Variants in ARHGAP15 observed in about 807,000 individuals in gnomAD.
ARHGAP15 encodes Rho GTPase activating protein 15.
In ARHGAP15, 51 loss-of-function variants were observed where a neutral mutation model predicts 63.7. The ratio of observed to expected loss-of-function variants is 0.80; its 90% confidence interval spans 0.64 to 1.01. The LOEUF is 1.01. ARHGAP15 is among the 50% of genes least tolerant of loss of function. The pLI is 0.00. For synonymous variants in ARHGAP15, 191 were observed against 193.8 expected (o/e 0.99, Z 0.12); for missense variants, 560 against 564.6 (o/e 0.99, Z 0.08).
intron 6 of ARHGAP15, among the ~76,000 whole-genome samples, chr2:143,290,327 C>T (rs777571340): frequency 1.3e-5 from 2 of 151,356 alleles, no homozygotes; most frequent in Non-Finnish European, 1.5e-5. Flanking sequence ...AAAGCGCTTA[C>T]GGCTGGTAAT....
intron 11 of ARHGAP15, among the ~76,000 whole-genome samples, chr2:143,560,872 G>A (rs1487034239): frequency 6.6e-6 from 1 of 152,242 alleles, no homozygotes; most frequent in African/African-American, 2.4e-5. Context: ...TGGTGCGTTT[G>A]TGAGCAGCGC....
intron 6 of ARHGAP15, among the ~76,000 whole-genome samples, chr2:143,392,723 G>GT (rs1183574391): frequency 6.6e-6 from 1 of 152,112 alleles, no homozygotes. Flanking sequence ...TCTGCTGAGA[G>GT]TTTTTTGTTT....
chr2:143,190,751 T>C (rs141832597), intron 2 of ARHGAP15, among the ~76,000 whole-genome samples: 9 of 152,314 alleles, frequency 5.9e-5, no homozygotes, highest in South Asian at 4.1e-4. Flanking sequence ...TCTTGGATAT[T>C]CTGTAGCGAA....
chr2:143,560,253 T>C (rs551012053), intron 11 of ARHGAP15, among the ~76,000 whole-genome samples: 48 of 152,206 alleles, frequency 3.2e-4, no homozygotes, highest in Non-Finnish European at 5.4e-4. Flanking sequence ...TAATTATAAC[T>C]AGTAATGATG....
At chr2:143,232,382 G>A (rs769221052) in intron 5 of ARHGAP15, among the ~76,000 whole-genome samples, 1 of 152,100 alleles carries the variant, frequency 6.6e-6, no homozygotes. Flanking sequence ...CAGGTGGATC[G>A]GGACTGGCTG....
At chr2:143,351,463 A>G (rs1404022659) in intron 6 of ARHGAP15, 1 of 152,194 alleles carries the variant, frequency 6.6e-6, no homozygotes, top group African/African-American at 2.4e-5. Context: ...TGGATATAAC[A>G]CTATAATCAA....
chr2:143,524,477 T>C (rs1295935710), intron 10 of ARHGAP15, among the ~76,000 whole-genome samples: 3 of 152,242 alleles, frequency 2.0e-5, no homozygotes, highest in African/African-American at 7.2e-5. Flanking sequence ...CTGTGAATTA[T>C]ATGTTTGTGT....
intron 9 of ARHGAP15, among the ~76,000 whole-genome samples, chr2:143,507,459 T>A (rs1344762127): frequency 6.6e-6 from 1 of 152,208 alleles, no homozygotes; most frequent in Non-Finnish European, 1.5e-5. Flanking sequence ...TGGTGGATCC[T>A]GCTCTTCTCC....
chr2:143,667,693 G>GA (rs1297586858), intron 12 of ARHGAP15, among the ~76,000 whole-genome samples: 8 of 150,232 alleles, frequency 5.3e-5, no homozygotes, highest in South Asian at 4.2e-4. Context: ...TAAAATTTCA[G>GA]AAAAAAAAAT....
At chr2:143,144,891 G>A (rs76132509) in intron 1 of ARHGAP15, among the ~76,000 whole-genome samples, 4,435 of 152,040 alleles carry the variant, frequency 0.029, 197 homozygotes, top group African/African-American at 0.098. Flanking sequence ...AATAATGCGC[G>A]TATAAAATTA....
At chr2:143,431,625 G>A (rs1689393531) in intron 6 of ARHGAP15, among the ~76,000 whole-genome samples, 1 of 151,966 alleles carries the variant, frequency 6.6e-6, no homozygotes, top group Non-Finnish European at 1.5e-5. Context: ...AGCATTGTGT[G>A]TGCTGCTCAC....
intron 6 of ARHGAP15, among the ~76,000 whole-genome samples, chr2:143,426,280 G>A (rs937432403): frequency 6.6e-6 from 1 of 152,098 alleles, no homozygotes; most frequent in Non-Finnish European, 1.5e-5. Context: ...ATATAATGAT[G>A]ATAATAGAGG....
chr2:143,478,637 T>C (rs1411362795), intron 8 of ARHGAP15, among the ~76,000 whole-genome samples: 1 of 152,170 alleles, frequency 6.6e-6, no homozygotes, highest in African/African-American at 2.4e-5. Flanking sequence ...TTGATAAGGA[T>C]TAAATGAGAT....
chr2:143,191,211 A>G (rs878893695), intron 2 of ARHGAP15, among the ~76,000 whole-genome samples: 1 of 152,220 alleles, frequency 6.6e-6, no homozygotes, highest in Admixed American at 6.5e-5. Context: ...ATGATCAGTT[A>G]TTTCAATTAA....
chr2:143,766,145 A>G (rs1030838733), intron 13 of ARHGAP15, among the ~76,000 whole-genome samples: 1 of 149,292 alleles, frequency 6.7e-6, no homozygotes, highest in Non-Finnish European at 1.5e-5. Context: ...TTGTGAAGGG[A>G]AAAAAAAAAT....
chr2:143,487,285 T>C, intron 8 of ARHGAP15, 88 bp from the exon 9 acceptor site: 2 of 1,430,184 alleles, frequency 1.4e-6, no homozygotes, highest in Non-Finnish European at 1.9e-6. Context: ...AGTTGTTTCA[T>C]AACTACTGTT....
chr2:143,578,562 T>TA (rs1327311413), intron 11 of ARHGAP15, among the ~76,000 whole-genome samples: 4 of 152,114 alleles, frequency 2.6e-5, no homozygotes, highest in Non-Finnish European at 5.9e-5. Flanking sequence ...CTATACATTT[T>TA]TAAAAAAGGT....
At chr2:143,445,667 G>A (rs1421968011) in intron 8 of ARHGAP15, among the ~76,000 whole-genome samples, 1 of 151,646 alleles carries the variant, frequency 6.6e-6, no homozygotes, top group Admixed American at 6.6e-5. Flanking sequence ...TTGAAATCAG[G>A]GTTATCTCTT....
intron 12 of ARHGAP15, among the ~76,000 whole-genome samples, chr2:143,695,307 GT>G (rs1448375489): frequency 6.6e-6 from 1 of 152,082 alleles, no homozygotes; most frequent in Non-Finnish European, 1.5e-5. Context: ...ATCTTTGTAG[GT>G]TACAGAAATG....
Sources: allele counts gnomAD v4.1 joint callset (sites outside exome capture counted in the v4.1 genomes callset), GRCh38; gene constraint gnomAD v4.1.1; transcripts MANE v1.5; gene names NCBI Gene and HGNC (gene_info 2026-07-23, HGNC 2026-07-21).